KIFAP3: variants seen among roughly 807,000 people sequenced by gnomAD.
The protein encoded by KIFAP3 is kinesin-associated protein 3.
Under a neutral mutation model 106.5 loss-of-function variants are expected in KIFAP3, and 68 were observed. The observed-to-expected ratio is 0.64, with a 90% CI of 0.53 to 0.78. The LOEUF (loss-of-function observed/expected upper bound fraction) is 0.78. Ranked by LOEUF, KIFAP3 falls within the 30% of genes least tolerant of loss-of-function variation. The pLI, the probability that KIFAP3 is intolerant of heterozygous loss-of-function variation, is 0.00. For missense variants in KIFAP3, 780 were observed against 941.8 expected (o/e 0.83, Z 2.25); for synonymous variants, 320 against 311.5 (o/e 1.03, Z -0.29).
intron 8 of KIFAP3, among the ~76,000 whole-genome samples, chr1:170,026,874 GA>G (rs1343990655): frequency 1.3e-5 from 2 of 152,228 alleles, no homozygotes; most frequent in South Asian, 2.1e-4. Context: ...CTTCTGTCCA[GA>G]CTAACAAATT....
chr1:169,926,703 AC>A (rs1663160485), intron 19 of KIFAP3, among the ~76,000 whole-genome samples: 1 of 148,608 alleles, frequency 6.7e-6, no homozygotes, highest in East Asian at 2.0e-4. Flanking sequence ...ACACACACAC[AC>A]ATTCAAAATT....
intron 10 of KIFAP3, among the ~76,000 whole-genome samples, chr1:170,003,505 C>T (rs1324978531): frequency 2.6e-5 from 4 of 152,190 alleles, no homozygotes; most frequent in African/African-American, 7.2e-5. Context: ...AGGCAGTCTG[C>T]CCGTTCTCAG....
At chr1:170,007,496 A>G (rs1400217684) in intron 10 of KIFAP3, among the ~76,000 whole-genome samples, 1 of 152,038 alleles carries the variant, frequency 6.6e-6, no homozygotes, top group Non-Finnish European at 1.5e-5. Context: ...AAGAAGTGAC[A>G]GTGAAAAATA....
chr1:170,001,909 G>C lies in KIFAP3; in HGVS notation c.1184-9654C>G, dbSNP rs541919518. On this transcript the variant is annotated intron_variant, in intron 10 of 19. Coordinates refer to ENST00000361580, the MANE Select transcript of KIFAP3 (RefSeq NM_014970.4). ...TCATTTTTTCATTCTTTATGATGCT[G>C]TTGGTAAATTAAAAGTTAGATCATA... Among the ~76,000 whole-genome samples the C allele has an allele frequency of 2.0e-5, 3 of 152,170 alleles. No homozygotes were observed. In the South Asian group the frequency reaches 6.2e-4, roughly 32 times the overall value.
chr1:170,019,942 C>T lies in KIFAP3; in HGVS notation c.1021-3318G>A, dbSNP rs145381272. 3.1e-3 allele frequency among the ~76,000 whole-genome samples: 472 copies of T among 152,300 alleles called. 1 individual carries two copies. Among genetic ancestry groups the T allele is most frequent in the Non-Finnish European group, 5.5e-3 (377 of 68,024 alleles). ...TGTCTACTTAGAAAATCTCCAAAAT[C>T]TGTGAGAGAGTCAGTACAACTAAAA... On this transcript the variant is annotated intron_variant, in intron 9 of 19. Coordinates refer to ENST00000361580, the MANE Select transcript of KIFAP3 (RefSeq NM_014970.4).
At chr1:170,015,176 T>C (rs2101997875) in intron 10 of KIFAP3, among the ~76,000 whole-genome samples, 1 of 152,212 alleles carries the variant, frequency 6.6e-6, no homozygotes, top group East Asian at 1.9e-4. Flanking sequence ...ATACATTTTA[T>C]CATATGTTAC....
intron 19 of KIFAP3, among the ~76,000 whole-genome samples, chr1:169,931,175 C>CGGA (rs1663454030): frequency 6.6e-6 from 1 of 152,106 alleles, no homozygotes; most frequent in Non-Finnish European, 1.5e-5. Context: ...CTGCCTCAGC[C>CGGA]TCCCAAAATG....
chr1:170,057,569 T>C (rs1009625452), intron 1 of KIFAP3, among the ~76,000 whole-genome samples: 2 of 149,222 alleles, frequency 1.3e-5, no homozygotes, highest in African/African-American at 4.9e-5. Flanking sequence ...CTAAATAATA[T>C]ACAAAGAGAG....
rs116110430 is a variant in KIFAP3 at position 169,944,079 on chromosome 1, G to A, written c.2273+9932C>T. Among the ~76,000 whole-genome samples, 1,023 of 152,244 alleles carry A rather than the reference G, an allele frequency of 6.7e-3. 10 individuals are homozygous for A. The highest frequency in any genetic ancestry group is 0.023 in the African/African-American group (976 of 41,540). The stretch of plus-strand genomic sequence containing the variant: ...CACCTTCTCCCTGAGTATTGTTTGC[G>A]CCCGCTGGGCTCGTTCTGCCCACTA... On this transcript the variant is annotated intron_variant, in intron 19 of 19. Coordinates refer to ENST00000361580, the MANE Select transcript of KIFAP3 (RefSeq NM_014970.4).
In KIFAP3 at chr1:169,921,685, A is replaced by G; in HGVS notation, c.2370T>C (p.Tyr790=). 1.2e-6 allele frequency: 2 copies of G among 1,611,186 alleles called. No individual in the cohort carries two copies. The highest frequency in any genetic ancestry group is 1.7e-6 in the Non-Finnish European group (2 of 1,177,386). ...GGAAACAGATACTTTATCAAGATCC[A>G]TAGCCATAGTAGTAAGGTTCATCAG... ...FRPDEPYYYG[Y]GS is the part of the protein sequence containing the mutation. The change falls in exon 20 of 20, where the codon TAT becomes TAC. Residue 790 remains tyrosine, a synonymous_variant. Coordinates refer to ENST00000361580, the MANE Select transcript of KIFAP3 (RefSeq NM_014970.4).
chr1:169,922,974 TGC>T (rs1308861973), intron 19 of KIFAP3: 324 of 315,566 alleles, frequency 1.0e-3, no homozygotes, highest in Middle Eastern at 1.6e-3. Flanking sequence ...AATGTGTGAA[TGC>T]GTGTGTGTGT....
chr1:170,005,465 C>T (rs1667900980), intron 10 of KIFAP3, among the ~76,000 whole-genome samples: 1 of 151,840 alleles, frequency 6.6e-6, no homozygotes, highest in Non-Finnish European at 1.5e-5. Context: ...CCCAGATGTC[C>T]AACAATGATA....
At chr1:169,973,504 T>A (rs1666054810) in intron 16 of KIFAP3, among the ~76,000 whole-genome samples, 2 of 149,112 alleles carry the variant, frequency 1.3e-5, no homozygotes, top group African/African-American at 2.5e-5. Flanking sequence ...ATATACCAAG[T>A]CAAATTCTAG....
In KIFAP3 at chr1:169,921,435, G is replaced by A; in HGVS notation, c.*241C>T. ...TAGCTTTTCAGCATTCAGTTTTGTG[G>A]CTCATGGGAAATGTTACTTAGCATC... On this transcript the variant is annotated 3_prime_UTR_variant, in exon 20 of 20. Coordinates refer to ENST00000361580, the MANE Select transcript of KIFAP3 (RefSeq NM_014970.4). 3.1e-6 allele frequency: 1 copy of A among 319,166 alleles called. No homozygotes were observed. Among genetic ancestry groups the A allele is most frequent in the Non-Finnish European group, 5.8e-6 (1 of 172,532 alleles). 19.8% of individuals were successfully genotyped at this position (319,166 alleles called of 1,614,324 possible). A position where few individuals can be genotyped will look rare whatever the true frequency, so the allele number is the denominator to read the frequency against.
chr1:169,923,157 G>A, intron 19 of KIFAP3: 1 of 880,802 alleles, frequency 1.1e-6, no homozygotes. Flanking sequence ...GACAAAATTT[G>A]TTGTTTTGGG....
Position 169,982,773 on chromosome 1 carries a change from G to C in KIFAP3, c.1601C>G (p.Pro534Arg), listed in dbSNP as rs771661204. The C allele has an allele frequency of 7.5e-6, 12 of 1,609,430 alleles. No individual in the cohort carries two copies. In the East Asian group the frequency reaches 2.5e-4, roughly 33 times the overall value. ...AAGAACCAATTCCCAGTCTAAGTCT[G>C]GAATGGTCAAGTTTGCAAGAGTTCC... ...CLGTLANLTIPDLDWELVLKE... is the reference protein window; with the variant it reads ...CLGTLANLTIRDLDWELVLKE... Residue 534 changes from proline to arginine, a missense_variant, in exon 14 of 20, where the codon CCA (proline) becomes CGA (arginine). Around this residue, in one of 3 missense-constraint regions of KIFAP3, gnomAD observed 588 missense variants for 678.9 expected, o/e 0.87. Coordinates refer to ENST00000361580, the MANE Select transcript of KIFAP3 (RefSeq NM_014970.4).
At chr1:169,945,081 C>T (rs182398303) in intron 19 of KIFAP3, among the ~76,000 whole-genome samples, 14 of 152,236 alleles carry the variant, frequency 9.2e-5, no homozygotes, top group African/African-American at 3.4e-4. Context: ...CTTCAGCACC[C>T]CCTGGCCTCC....
chr1:170,000,974 T>C (rs1310378422), intron 10 of KIFAP3, among the ~76,000 whole-genome samples: 1 of 149,160 alleles, frequency 6.7e-6, no homozygotes, highest in Non-Finnish European at 1.5e-5. Context: ...TATGAGAAAC[T>C]AACATTGCAG....
intron 16 of KIFAP3, among the ~76,000 whole-genome samples, chr1:169,976,978 G>A (rs1056686726): frequency 6.6e-6 from 1 of 151,982 alleles, no homozygotes; most frequent in South Asian, 2.1e-4. Flanking sequence ...TCCCACCTCA[G>A]GTTCCCAAAG....
Sources: gnomAD v4.1 joint callset for allele counts (sites outside exome capture counted in the v4.1 genomes callset) on GRCh38, gnomAD v4.1.1 for gene constraint, gnomAD v4.1.1 regional missense constraint, MANE v1.5 for transcripts, NCBI Gene and HGNC (gene_info 2026-07-23, HGNC 2026-07-21) for gene names.